The following DGKD variants were observed in gnomAD, a reference collection of about 807,000 sequenced individuals.
DGKD encodes DAG kinase delta.
Under a neutral mutation model 154.4 loss-of-function variants are expected in DGKD, and 68 were observed. The ratio of observed to expected loss-of-function variants is 0.44; its 90% CI spans 0.36 to 0.54. The LOEUF is 0.54. DGKD is among the 20% of genes least tolerant of loss of function. DGKD has a pLI of 0.00. For missense variants in DGKD, 1,343 were observed against 1,593.6 expected (o/e 0.84, Z 2.68); for synonymous variants, 693 against 638.0 (o/e 1.09, Z -1.30).
At position 233,459,915 on chromosome 2, in the gene DGKD, C is replaced by T. The variant is rs1327957081; in HGVS notation, c.2829+24C>T. The T allele has an allele frequency of 6.2e-7, 1 of 1,610,506 alleles. No individual in the cohort carries two copies. Among genetic ancestry groups the T allele is most frequent in the Admixed American group, 1.7e-5 (1 of 59,834 alleles). On this transcript the variant is annotated intron_variant, in intron 23 of 29. Transcript: ENST00000264057. The surrounding 1 kb of genome is among the most constrained non-coding windows in gnomAD (Gnocchi z 5.7). ...GGGTAAGAGCGGCTGCCCGCGGTAC[C>T]TGGGTGGGGTACAGGGCTCACCTGT...
At chr2:233,374,468 A>G (rs1702472405) in intron 1 of DGKD, among the ~76,000 whole-genome samples, 1 of 152,062 alleles carries the variant, frequency 6.6e-6, no homozygotes, top group Non-Finnish European at 1.5e-5. Context: ...CCCAGAGGCT[A>G]GGACTACAGG....
chr2:233,354,773 T>TCGGCC lies in DGKD; in HGVS notation c.156+108_156+112dup, dbSNP rs956561155. ...GCCCGAGCGGCCGCCCAGGCCCGGC[T>TCGGCC]CGGCCCGGCCCGGGGTCCCGCGGGC... On this transcript the variant is annotated intron_variant, in intron 1 of 29. Coordinates refer to ENST00000264057, the MANE Select transcript of DGKD (RefSeq NM_152879.3). This position sits in a 1 kb window ranked among gnomAD's most constrained non-coding sequence, Gnocchi z 4.8. The TCGGCC allele has an allele frequency of 1.6e-5, 11 of 689,940 alleles. No homozygotes were observed. Among genetic ancestry groups the TCGGCC allele is most frequent in the African/African-American group, 6.0e-5 (3 of 49,682 alleles). 42.7% of individuals were successfully genotyped at this position (689,940 alleles called of 1,614,324 possible). A position where few individuals can be genotyped will look rare whatever the true frequency, so the allele number is the denominator to read the frequency against.
intron 3 of DGKD, among the ~76,000 whole-genome samples, chr2:233,409,915 T>C (rs2061784705): frequency 6.6e-6 from 1 of 151,352 alleles, no homozygotes; most frequent in African/African-American, 2.4e-5. Context: ...CTGTGGGAGC[T>C]GCCTCCAGGC....
chr2:233,361,217 A>G (rs1701767498), intron 1 of DGKD, among the ~76,000 whole-genome samples: 1 of 152,170 alleles, frequency 6.6e-6, no homozygotes, highest in African/African-American at 2.4e-5. Context: ...GGATCCAAAG[A>G]AGCCACTTCC....
intron 1 of DGKD, among the ~76,000 whole-genome samples, chr2:233,383,769 T>G (rs1480392716): frequency 6.6e-6 from 1 of 152,202 alleles, no homozygotes; most frequent in Non-Finnish European, 1.5e-5. Context: ...AAGGGTCTGT[T>G]TCTGGGCTAT....
chr2:233,436,232 C>G, intron 6 of DGKD, 84 bp from the exon 7 acceptor site: 1 of 1,587,522 alleles, frequency 6.3e-7, no homozygotes, highest in Admixed American at 1.7e-5. Context: ...AATGCCTTGG[C>G]TGAGTTCACA....
At chr2:233,396,927 T>TG (rs1416729243) in intron 3 of DGKD, among the ~76,000 whole-genome samples, 18 of 96,628 alleles carry the variant, frequency 1.9e-4, no homozygotes, top group Non-Finnish European at 2.3e-4. Flanking sequence ...CCAGCGTGGC[T>TG]GGGGGGGGCC....
At chr2:233,356,476 G>A (rs1273591579) in intron 1 of DGKD, among the ~76,000 whole-genome samples, 2 of 152,204 alleles carry the variant, frequency 1.3e-5, no homozygotes, top group African/African-American at 4.8e-5. Flanking sequence ...GCCCAGGCAA[G>A]GTACTGACCA....
chr2:233,389,674 A>G (rs1199526052), intron 2 of DGKD, among the ~76,000 whole-genome samples: 1 of 151,934 alleles, frequency 6.6e-6, no homozygotes, highest in Admixed American at 6.6e-5. Flanking sequence ...TTTCTGAGTT[A>G]TTAGTTTGAT....
rs1013067991 is a variant in DGKD at position 233,419,588 on chromosome 2, A to G, written c.349-14792A>G. On this transcript the variant is annotated intron_variant, in intron 3 of 29. Coordinates refer to ENST00000264057, the MANE Select transcript of DGKD (RefSeq NM_152879.3). ...TAGAAATGGAAGGCTGGAATTTTTA[A>G]GGTATAGGCTTTGTGGTGTGACTTT... Among the ~76,000 whole-genome samples the G allele has an allele frequency of 1.8e-4, 28 of 151,966 alleles. 1 individual carries two copies. The highest frequency in any genetic ancestry group is 1.8e-3 in the Admixed American group (28 of 15,270).
intron 1 of DGKD, among the ~76,000 whole-genome samples, chr2:233,379,202 T>C (rs1702753513): frequency 6.6e-6 from 1 of 152,124 alleles, no homozygotes; most frequent in South Asian, 2.1e-4. Context: ...AGTTCTGCCT[T>C]GGGGGAGTCT....
rs150432530 is a variant in DGKD, at chr2:233,459,833, C to T, written c.2771C>T (p.Pro924Leu). 70 of 1,613,948 alleles carry T rather than the reference C, an allele frequency of 4.3e-5. No individual in the cohort carries two copies. The highest frequency in any genetic ancestry group is 1.6e-4 in the Middle Eastern group (1 of 6,084). ...GTGGACGGAGAGGCCTGGGTCCAGC[C>T]GCCAGGGTACATTCGGATTGTCCAC... The part of the protein sequence containing the change: ...VQVDGEAWVQ[P>L]PGYIRIVHKN... The change falls in exon 23 of 30, where the codon CCG becomes CTG. Residue 924 changes from proline (P) to leucine (L), a missense_variant. By Grantham distance (98) the Pro-to-Leu change is moderately conservative. Coordinates refer to ENST00000264057, the MANE Select transcript of DGKD (RefSeq NM_152879.3). The surrounding 1 kb of genome is among the most constrained non-coding windows in gnomAD (Gnocchi z 5.7).
intron 1 of DGKD, among the ~76,000 whole-genome samples, chr2:233,376,726 G>T (rs969004888): frequency 6.6e-6 from 1 of 152,170 alleles, no homozygotes; most frequent in Non-Finnish European, 1.5e-5. Flanking sequence ...TCATAGGTGG[G>T]AATTGAACAA....
intron 3 of DGKD, among the ~76,000 whole-genome samples, chr2:233,424,196 G>T (rs1308907015): frequency 6.6e-6 from 1 of 152,146 alleles, no homozygotes; most frequent in Middle Eastern, 3.2e-3. Flanking sequence ...TGTGGTTTCA[G>T]CGTGACACAG....
intron 1 of DGKD, among the ~76,000 whole-genome samples, chr2:233,387,683 TA>T (rs1475561445): frequency 6.6e-6 from 1 of 152,150 alleles, no homozygotes; most frequent in African/African-American, 2.4e-5. Context: ...AGAGGAGTTT[TA>T]GTGTCTGTGG....
chr2:233,465,408 C>T (rs185776585), intron 27 of DGKD, among the ~76,000 whole-genome samples: 499 of 152,198 alleles, frequency 3.3e-3, no homozygotes, highest in Admixed American at 5.2e-3. Flanking sequence ...AGTGGAAGAA[C>T]GTTACAAACA....
At chr2:233,432,226 T>C (rs11685829) in intron 3 of DGKD, among the ~76,000 whole-genome samples, 25,750 of 69,774 alleles carry the variant, frequency 0.37, 3,859 homozygotes, top group African/African-American at 0.47. Flanking sequence ...CTCGTCTCTA[T>C]TAAAAATACA....
In DGKD at chr2:233,358,581, A is replaced by G. The variant is rs114320531; in HGVS notation, c.156+3907A>G. ...ACCCCGTTTCCTCTCAACTCCCTCAACCATAGGCAACAAGAATCTACTTTC... is the reference window on the plus strand; with the variant it reads ...ACCCCGTTTCCTCTCAACTCCCTCAGCCATAGGCAACAAGAATCTACTTTC... On this transcript the variant is annotated intron_variant, in intron 1 of 29. Transcript: ENST00000264057. 7.6e-3 allele frequency among the ~76,000 whole-genome samples: 1,157 copies of G among 152,182 alleles called. 15 individuals are homozygous for G. Among genetic ancestry groups the G allele is most frequent in the African/African-American group, 0.026 (1,088 of 41,526 alleles).
intron 1 of DGKD, among the ~76,000 whole-genome samples, chr2:233,381,434 G>A (rs373876273): frequency 1.3e-5 from 2 of 152,228 alleles, no homozygotes. Flanking sequence ...AAGTATTATT[G>A]TCTGGGCTCT....
Sources: allele counts gnomAD v4.1 joint callset (sites outside exome capture counted in the v4.1 genomes callset), GRCh38; gene constraint gnomAD v4.1.1; non-coding constraint Gnocchi (gnomAD v3.1); transcripts MANE v1.5; gene names NCBI Gene and HGNC (gene_info 2026-07-23, HGNC 2026-07-21).